PSG11: variants seen among roughly 807,000 people sequenced by gnomAD.
PSG11 encodes the protein pregnancy specific beta-1-glycoprotein 11, also known as pregnancy-specific beta-1-glycoprotein 11.
In PSG11, 42 loss-of-function variants were observed where a neutral mutation model predicts 36.0. The observed-to-expected ratio is 1.17, with a 90% CI of 0.91 to 1.51. PSG11 has a LOEUF of 1.51. Among genes scored for constraint, PSG11 ranks in the 40% most tolerant of loss-of-function variants. PSG11 has a pLI of 0.00. For synonymous variants in PSG11, 206 were observed against 153.5 expected, an observed-to-expected ratio of 1.34 and a Z score of -2.53; for missense variants, 558 against 403.5, an observed-to-expected ratio of 1.38 and a Z score of -3.28.
Position 43,024,841 on chromosome 19 carries a change from C to G in PSG11, c.280G>C (p.Ala94Pro). ...VDGQIIIYGPAYSGRETVYSN... is the reference protein window; with the variant it reads ...VDGQIIIYGPPYSGRETVYSN... ...TATACTGTTTCTCGTCCACTGTATGCCGGTCCATATATAATTATTTGACCG... is the reference window on the plus strand; with the variant it reads ...TATACTGTTTCTCGTCCACTGTATGGCGGTCCATATATAATTATTTGACCG... Residue 94 changes from alanine (A) to proline (P), a missense_variant, in exon 2 of 6, where the codon GCA becomes CCA. Coordinates refer to ENST00000320078, the MANE Select transcript of PSG11 (RefSeq NM_002785.3). 6.2e-7 allele frequency: 1 copy of G among 1,611,906 alleles called. No individual in the cohort carries two copies.
chr19:43,021,312 G>A lies in PSG11; in HGVS notation c.431-2264C>T, dbSNP rs1005646303. On this transcript the variant is annotated intron_variant, in intron 2 of 5. Coordinates refer to ENST00000320078, the MANE Select transcript of PSG11 (RefSeq NM_002785.3). ...CTAGGGATTCCTTCCTCAGCTGTGTGCAGTCTACCAGTAAGCATCAAAAGA... is the reference window on the plus strand; with the variant it reads ...CTAGGGATTCCTTCCTCAGCTGTGTACAGTCTACCAGTAAGCATCAAAAGA... 2.8e-4 allele frequency among the ~76,000 whole-genome samples: 43 copies of A among 151,254 alleles called. 1 individual carries two copies. Among genetic ancestry groups the A allele is most frequent in the Non-Finnish European group, 8.8e-5 (6 of 67,882 alleles).
chr19:43,023,824 C>T (rs1411887504), intron 2 of PSG11, among the ~76,000 whole-genome samples: 1 of 151,348 alleles, frequency 6.6e-6, no homozygotes, highest in Non-Finnish European at 1.5e-5. Context: ...TGTGGCTTTT[C>T]ATGCTATCTG....
chr19:43,021,014 C>T (rs565298265), intron 2 of PSG11, among the ~76,000 whole-genome samples: 1 of 151,436 alleles, frequency 6.6e-6, no homozygotes, highest in East Asian at 1.9e-4. Context: ...AAAACGGCAT[C>T]ATCATGAGGA....
rs1568491516 is a variant in PSG11, at chr19:43,021,378, GAGAC to G, written c.431-2334_431-2331del. Reference sequence around the variant, plus strand: ...TACAGCATTTTTATTTTTTCTGAGAGAGACTCTTGCTCTGCCAGGCTGGAGTGCA... The same window carrying G: ...TACAGCATTTTTATTTTTTCTGAGAGTCTTGCTCTGCCAGGCTGGAGTGCA... On this transcript the variant is annotated intron_variant, in intron 2 of 5. Coordinates refer to ENST00000320078, the MANE Select transcript of PSG11 (RefSeq NM_002785.3). 9.9e-5 allele frequency among the ~76,000 whole-genome samples: 15 copies of G among 151,270 alleles called. 1 individual carries two copies. The South Asian group carries it at 3.2e-3, about 32-fold the overall frequency.
At position 43,007,848 on chromosome 19, in the gene PSG11, TA is replaced by T; in HGVS notation, c.*234del. The T allele has an allele frequency of 3.1e-6, 1 of 320,968 alleles. No homozygotes were observed. Among genetic ancestry groups the T allele is most frequent in the Non-Finnish European group, 6.0e-6 (1 of 166,304 alleles). 19.9% of individuals were successfully genotyped at this position (320,968 alleles called of 1,614,324 possible). A position where few individuals can be genotyped will look rare whatever the true frequency, so the allele number is the denominator to read the frequency against. ...TTCAAAAAATCAGCACATTTTCCAA[TA>T]AAAAATTATGAAAACATTATCCTTT... On this transcript the variant is annotated 3_prime_UTR_variant, in exon 6 of 6. Coordinates refer to ENST00000320078, the MANE Select transcript of PSG11 (RefSeq NM_002785.3).
intron 3 of PSG11, chr19:43,016,099 C>G: frequency 6.4e-7 from 1 of 1,557,920 alleles, no homozygotes; most frequent in Non-Finnish European, 8.7e-7. Context: ...GATTCCTCCA[C>G]AGGCATCCTT....
At chr19:43,015,788 A>T (rs775450002) in intron 3 of PSG11, 2 of 1,610,378 alleles carry the variant, frequency 1.2e-6, no homozygotes, top group South Asian at 2.2e-5. Context: ...AGGGTGACTG[A>T]GTCACTGCGG....
In PSG11 at chr19:43,010,011, T is replaced by G; in HGVS notation, c.995A>C (p.Asn332Thr). The G allele has an allele frequency of 6.2e-7, 1 of 1,609,520 alleles. No individual in the cohort carries two copies. The change falls in exon 5 of 6, where the codon AAT (asparagine) becomes ACT (threonine). Residue 332 changes from asparagine to threonine, a missense_variant. By Grantham distance (65) the Asn-to-Thr change is moderately conservative. Coordinates refer to ENST00000320078, the MANE Select transcript of PSG11 (RefSeq NM_002785.3). ...APPGLGTFAF[N>T]NPT ...ACATCACGGCTGCTACGTTGGATTA[T>G]TGAAAGCAAAAGTTCCTAATCCTGG... is the stretch of plus-strand genomic sequence containing the variant.
intron 2 of PSG11, among the ~76,000 whole-genome samples, chr19:43,022,850 TG>T (rs1967134667): frequency 6.7e-6 from 1 of 148,758 alleles, no homozygotes; most frequent in Admixed American, 6.7e-5. Flanking sequence ...TCCTGGGAGG[TG>T]GGCCAGGCCA....
In PSG11 at chr19:43,007,972, A is replaced by T. The variant is rs1465046046; in HGVS notation, c.*111T>A. ...TCAAAATTTTGAAAGTTCTTAGTCCAGTGGTATGATCTTGAAGTTATCAGG... is the reference window on the plus strand; with the variant it reads ...TCAAAATTTTGAAAGTTCTTAGTCCTGTGGTATGATCTTGAAGTTATCAGG... On this transcript the variant is annotated 3_prime_UTR_variant, in exon 6 of 6. Coordinates refer to ENST00000320078, the MANE Select transcript of PSG11 (RefSeq NM_002785.3). 2.5e-6 allele frequency: 1 copy of T among 400,848 alleles called. No individual in the cohort carries two copies. The highest frequency in any genetic ancestry group is 4.6e-6 in the Non-Finnish European group (1 of 216,590). 24.8% of individuals were successfully genotyped at this position (400,848 alleles called of 1,614,324 possible).
rs1966891265 is a variant in PSG11, at chr19:43,013,908, G to A, written c.964+1208C>T. ...AGATAAGTGTGTAGGCAAAGGAGGT[G>A]TATCTATACATTGAAATGTTATTCA... On this transcript the variant is annotated intron_variant, in intron 4 of 5. Coordinates refer to ENST00000320078, the MANE Select transcript of PSG11 (RefSeq NM_002785.3). 3.3e-5 allele frequency among the ~76,000 whole-genome samples: 5 copies of A among 151,524 alleles called. No homozygotes were observed. The South Asian group carries it at 1.0e-3, about 32-fold the overall frequency.
At chr19:43,018,695 G>A in intron 3 of PSG11, 75 bp downstream of exon 3, 2 of 1,610,202 alleles carry the variant, frequency 1.2e-6, no homozygotes, top group Admixed American at 1.7e-5. Flanking sequence ...ACCTGAGAGG[G>A]ACTGAGAGGC....
chr19:43,024,628 G>C, intron 2 of PSG11, 63 bp downstream of exon 2: 1 of 1,607,710 alleles, frequency 6.2e-7, no homozygotes, highest in Non-Finnish European at 8.5e-7. Context: ...TGACAATCCT[G>C]TGTGTGTGAT....
intron 1 of PSG11, 148 bp downstream of exon 1, chr19:43,026,161 T>C: frequency 7.8e-7 from 1 of 1,282,096 alleles, no homozygotes; most frequent in South Asian, 1.3e-5. Flanking sequence ...TGGACTGATC[T>C]TGAACTCCTG....
At position 43,009,992 on chromosome 19, in the gene PSG11, C is replaced by A. The variant is rs773538928; in HGVS notation, c.*6G>T. On this transcript the variant is annotated 3_prime_UTR_variant, in exon 5 of 6. Transcript: ENST00000320078. ...TTCCTGAAATACAAAAATGACATCA[C>A]GGCTGCTACGTTGGATTATTGAAAG... 13 of 1,606,072 alleles carry A rather than the reference C, an allele frequency of 8.1e-6. No homozygotes were observed. The highest frequency in any genetic ancestry group is 1.3e-5 in the African/African-American group (1 of 74,128).
At chr19:43,018,366 C>T (rs1967017256) in intron 3 of PSG11, 3 of 347,208 alleles carry the variant, frequency 8.6e-6, no homozygotes, top group Admixed American at 7.0e-5. Flanking sequence ...GGCATCCAGG[C>T]CATCTGGAGC....
chr19:43,022,620 G>T (rs191224661), intron 2 of PSG11, among the ~76,000 whole-genome samples: 50 of 151,540 alleles, frequency 3.3e-4, no homozygotes, highest in Admixed American at 1.6e-3. Flanking sequence ...GTGTGTGTGT[G>T]TGCAGGAGGC....
chr19:43,015,203 G>T lies in PSG11; in HGVS notation c.877C>A (p.Pro293Thr), dbSNP rs1322251927. The T allele has an allele frequency of 6.2e-7, 1 of 1,610,984 alleles. No individual in the cohort carries two copies. Among genetic ancestry groups the T allele is most frequent in the Non-Finnish European group, 8.5e-7 (1 of 1,178,096 alleles). ...CAAGCATAGAGCCCATTATGCTTTG[G>T]AGTAATCTGAGGGATAAAGAGCTTT... Reference protein sequence around the residue: ...GQKLFIPQITPKHNGLYACSA... With the variant: ...GQKLFIPQITTKHNGLYACSA... Residue 293 changes from proline to threonine, a missense_variant, in exon 4 of 6, where the codon CCA becomes ACA. Pro to Thr is a conservative substitution (Grantham distance 38). Transcript: ENST00000320078.
chr19:43,020,559 T>C (rs865851775), intron 2 of PSG11, among the ~76,000 whole-genome samples: 4 of 151,506 alleles, frequency 2.6e-5, no homozygotes, highest in Non-Finnish European at 4.4e-5. Context: ...ACTGATGGTC[T>C]AAACATCTAA....
Sources: allele counts gnomAD v4.1 joint callset (sites outside exome capture counted in the v4.1 genomes callset), GRCh38; gene constraint gnomAD v4.1.1; transcripts MANE v1.5; gene names NCBI Gene and HGNC (gene_info 2026-07-23, HGNC 2026-07-21).